Variants in ACOX1 observed in about 807,000 individuals in gnomAD.
ACOX1 encodes the protein acyl-CoA oxidase 1.
A neutral mutation model predicts 75.5 loss-of-function variants in ACOX1; 41 were observed. That is an observed-to-expected ratio of 0.54 (90% CI 0.42 to 0.70). The LOEUF (loss-of-function observed/expected upper bound fraction) is 0.70, where lower values mean the gene tolerates loss of function less well. ACOX1 is among the 30% of genes least tolerant of loss of function. The pLI is 0.00. For missense variants in ACOX1, 630 were observed against 837.5 expected (o/e 0.75, Z 3.06); for synonymous variants, 303 against 298.8 (o/e 1.01, Z -0.15).
chr17:75,960,396 T>C lies in ACOX1; in HGVS notation c.270-21A>G, dbSNP rs1278766706. ...CAAAACTTCGAGGAAATATCAAGGA[T>C]GGGCATTTGAGAGAAGAGTCATCAG... On this transcript the variant is annotated intron_variant, in intron 2 of 13. Transcript: ENST00000293217. This position sits in a 1 kb window ranked among gnomAD's most constrained non-coding sequence, Gnocchi z 4.4. 1 of 1,611,642 alleles carries C rather than the reference T, an allele frequency of 6.2e-7. No homozygotes were observed. Among genetic ancestry groups the C allele is most frequent in the Non-Finnish European group, 8.5e-7 (1 of 1,179,620 alleles).
At chr17:75,968,292 C>T (rs1468369404) in intron 2 of ACOX1, among the ~76,000 whole-genome samples, 1 of 148,536 alleles carries the variant, frequency 6.7e-6, no homozygotes, top group Non-Finnish European at 1.5e-5. Context: ...AAAAATTAGC[C>T]GGGCGTAGTG....
intron 7 of ACOX1, among the ~76,000 whole-genome samples, chr17:75,952,586 G>A (rs984131911): frequency 4.1e-4 from 62 of 151,760 alleles, no homozygotes; most frequent in African/African-American, 1.4e-3. Flanking sequence ...GAGCCACTGC[G>A]CCTGGCCTTA....
chr17:75,958,106 G>C (rs2065849573), intron 3 of ACOX1, among the ~76,000 whole-genome samples: 1 of 152,126 alleles, frequency 6.6e-6, no homozygotes, highest in African/African-American at 2.4e-5. Context: ...TGTAATCCCA[G>C]CACTTTAGGA....
At chr17:75,967,809 C>T (rs1021678136) in intron 2 of ACOX1, among the ~76,000 whole-genome samples, 13 of 150,174 alleles carry the variant, frequency 8.7e-5, no homozygotes, top group African/African-American at 2.7e-4. Flanking sequence ...GGCACGATCT[C>T]GGCTCACTGC....
intron 12 of ACOX1, 74 bp from the exon 13 acceptor site, chr17:75,948,531 T>A (rs2065743449): frequency 4.9e-6 from 6 of 1,232,428 alleles, no homozygotes; most frequent in Non-Finnish European, 5.8e-6. Context: ...CATATACAGC[T>A]ATAAAGCGGA....
chr17:75,958,675 G>A (rs1408694403), intron 3 of ACOX1, among the ~76,000 whole-genome samples: 2 of 152,030 alleles, frequency 1.3e-5, no homozygotes, highest in African/African-American at 4.8e-5. Context: ...GGGCATGGTG[G>A]TGGGTGCCTG....
At chr17:75,973,925 T>C (rs1473504085) in intron 2 of ACOX1, 1 of 811,810 alleles carries the variant, frequency 1.2e-6, no homozygotes, top group Non-Finnish European at 2.0e-6. Context: ...AATATAAGAT[T>C]TACCATTTTA....
chr17:75,971,455 G>A (rs978844478), intron 2 of ACOX1, among the ~76,000 whole-genome samples: 3 of 151,672 alleles, frequency 2.0e-5, no homozygotes, highest in African/African-American at 7.3e-5. Flanking sequence ...TCAAAAATTA[G>A]GGCAGGCCGG....
intron 2 of ACOX1, among the ~76,000 whole-genome samples, chr17:75,970,184 CAAA>C (rs55762557): frequency 0.046 from 3,178 of 69,086 alleles, 228 homozygotes; most frequent in African/African-American, 0.17. Context: ...GAGACTCCTT[CAAA>C]AAAAAAAAAA....
Position 75,945,759 on chromosome 17 carries a change from G to A in ACOX1, c.*989C>T, listed in dbSNP as rs2065714345. ...TGGAACTTCCATTTTTCTAACTATA[G>A]TTTTTTGTTTTTGTTTTTTCCCAGT... On this transcript the variant is annotated 3_prime_UTR_variant, in exon 14 of 14. Transcript: ENST00000293217. The A allele has an allele frequency of 6.6e-6, 1 of 152,478 alleles. No homozygotes were observed. The highest frequency in any genetic ancestry group is 2.4e-5 in the African/African-American group (1 of 41,118). 9.4% of individuals were successfully genotyped at this position (152,478 alleles called of 1,614,324 possible).
chr17:75,946,670 A>C lies in ACOX1; in HGVS notation c.*78T>G. ...TTATCATTTGCTCTATAGCTATTTG[A>C]ATTCGAAAAAGATTCCACAAAATTT... On this transcript the variant is annotated 3_prime_UTR_variant, in exon 14 of 14. Coordinates refer to ENST00000293217, the MANE Select transcript of ACOX1 (RefSeq NM_004035.7). The C allele has an allele frequency of 7.7e-7, 1 of 1,291,622 alleles. No individual in the cohort carries two copies. The highest frequency in any genetic ancestry group is 1.2e-5 in the South Asian group (1 of 82,956). The allele number at this position is 1,291,622 out of a possible 1,614,324, so 80.0% of individuals were successfully genotyped here. A position where few individuals can be genotyped will look rare whatever the true frequency, so the allele number is the denominator to read the frequency against.
chr17:75,960,593 G>A lies in ACOX1; in HGVS notation c.270-218C>T, dbSNP rs1437658466. ...GAGTCGGCAAGGAGTACGAGGACAG[G>A]GATTGGTTACTGATTCCAAAGCCAA... On this transcript the variant is annotated intron_variant, in intron 2 of 13. Transcript: ENST00000293217. The surrounding 1 kb of genome is among the most constrained non-coding windows in gnomAD (Gnocchi z 4.4). Among the ~76,000 whole-genome samples, 1 of 152,162 alleles carries A rather than the reference G, an allele frequency of 6.6e-6. No individual in the cohort carries two copies. Among genetic ancestry groups the A allele is most frequent in the Non-Finnish European group, 1.5e-5 (1 of 68,034 alleles).
chr17:75,971,157 G>A (rs567686789), intron 2 of ACOX1, among the ~76,000 whole-genome samples: 1 of 152,236 alleles, frequency 6.6e-6, no homozygotes, highest in South Asian at 2.1e-4. Context: ...CGGGCATGGT[G>A]GCACACGCCT....
Position 75,960,637 on chromosome 17 carries a change from G to T in ACOX1, c.270-262C>A, listed in dbSNP as rs1190769201. Among the ~76,000 whole-genome samples, 1 of 152,150 alleles carries T rather than the reference G, an allele frequency of 6.6e-6. No homozygotes were observed. Among genetic ancestry groups the T allele is most frequent in the Admixed American group, 6.6e-5 (1 of 15,252 alleles). Reference sequence around the variant, plus strand: ...AAGCCAATGCAGCACAAAACCACACGTGCAAGGCAGAGGATCCTCGCCCAG... The same window carrying T: ...AAGCCAATGCAGCACAAAACCACACTTGCAAGGCAGAGGATCCTCGCCCAG... On this transcript the variant is annotated intron_variant, in intron 2 of 13. Transcript: ENST00000293217. This position sits in a 1 kb window ranked among gnomAD's most constrained non-coding sequence, Gnocchi z 4.4.
intron 6 of ACOX1, among the ~76,000 whole-genome samples, chr17:75,954,206 A>ACT (rs377454871): frequency 2.5e-5 from 3 of 121,238 alleles, no homozygotes; most frequent in Non-Finnish European, 1.7e-5. Flanking sequence ...ACAGAGCAAG[A>ACT]CTCTGTCTCA....
chr17:75,948,979 C>G (rs1376293571), intron 12 of ACOX1, among the ~76,000 whole-genome samples: 1 of 151,738 alleles, frequency 6.6e-6, no homozygotes, highest in Admixed American at 6.6e-5. Flanking sequence ...CGTGCCTCAG[C>G]CTCCCTAGTA....
chr17:75,951,701 G>C, intron 7 of ACOX1, 124 bp from the exon 8 acceptor site: 3 of 930,840 alleles, frequency 3.2e-6, no homozygotes, highest in Non-Finnish European at 5.0e-6. Context: ...GGCACTGTGA[G>C]GTAGTTACTA....
At chr17:75,975,140 A>G (rs1598202706) in intron 2 of ACOX1, among the ~76,000 whole-genome samples, 2 of 151,428 alleles carry the variant, frequency 1.3e-5, no homozygotes, top group South Asian at 4.2e-4. Context: ...AATAAGTACT[A>G]CACGGTTATC....
In ACOX1 at chr17:75,960,400, C is replaced by T; in HGVS notation, c.270-25G>A. ...ACTTCGAGGAAATATCAAGGATGGG[C>T]ATTTGAGAGAAGAGTCATCAGGTGT... On this transcript the variant is annotated intron_variant, in intron 2 of 13. Transcript: ENST00000293217. This position sits in a 1 kb window ranked among gnomAD's most constrained non-coding sequence, Gnocchi z 4.4. The T allele has an allele frequency of 6.2e-7, 1 of 1,610,652 alleles. No individual in the cohort carries two copies. Among genetic ancestry groups the T allele is most frequent in the Non-Finnish European group, 8.5e-7 (1 of 1,179,258 alleles).
Sources: gnomAD v4.1 joint callset for allele counts (sites outside exome capture counted in the v4.1 genomes callset) on GRCh38, gnomAD v4.1.1 for gene constraint, Gnocchi (gnomAD v3.1) non-coding constraint, MANE v1.5 for transcripts, NCBI Gene and HGNC (gene_info 2026-07-23, HGNC 2026-07-21) for gene names.